Variants in CHD5 observed in about 807,000 individuals in gnomAD.
CHD5 encodes ATP-dependent chromatin remodeler CHD5.
CHD5 carries 69 observed loss-of-function variants against 230.3 expected under a neutral mutation model. That is an observed-to-expected ratio of 0.30 (90% CI 0.25 to 0.37). CHD5 has a LOEUF of 0.37. CHD5 is among the 10% of genes least tolerant of loss of function. The pLI is 1.00. For missense variants in CHD5, 1,827 were observed against 2,622.8 expected (o/e 0.70, Z 6.63); for synonymous variants, 1,064 against 1,065.9 (o/e 1.00, Z 0.03).
At position 6,126,319 on chromosome 1, in the gene CHD5, C is replaced by T. The variant is rs1666557820; in HGVS notation, c.4078+253G>A. On this transcript the variant is annotated intron_variant, in intron 26 of 41. Transcript: ENST00000262450. This position sits in a 1 kb window ranked among gnomAD's most constrained non-coding sequence, Gnocchi z 5.7. ...CCACCCTCCACCTCTGGGTATGGGACACCCATCCCTCCTGGCACACTCGCC... is the reference window on the plus strand; with the variant it reads ...CCACCCTCCACCTCTGGGTATGGGATACCCATCCCTCCTGGCACACTCGCC... Among the ~76,000 whole-genome samples, 1 of 151,788 alleles carries T rather than the reference C, an allele frequency of 6.6e-6. No individual in the cohort carries two copies. Among genetic ancestry groups the T allele is most frequent in the Non-Finnish European group, 1.5e-5 (1 of 67,874 alleles).
In CHD5 at chr1:6,154,787, C is replaced by G; in HGVS notation, c.618G>C (p.Ala206=). Residue 206 remains alanine, a synonymous_variant, in exon 5 of 42, where the codon GCG becomes GCC. Coordinates refer to ENST00000262450, the MANE Select transcript of CHD5 (RefSeq NM_015557.3). The surrounding 1 kb of genome is among the most constrained non-coding windows in gnomAD (Gnocchi z 7.0). ...CAGCCACCGCCGCCGCCGCTGCTGC[C>G]GCGGAGCTGCCCTTGAAGGGGTTGT... ...SANNPFKGSS[A]AAAAAAVAAA... The G allele has an allele frequency of 6.2e-7, 1 of 1,613,512 alleles. No individual in the cohort carries two copies. The highest frequency in any genetic ancestry group is 8.5e-7 in the Non-Finnish European group (1 of 1,179,908).
chr1:6,178,376 CA>C (rs1226891994), intron 1 of CHD5, among the ~76,000 whole-genome samples: 1 of 152,042 alleles, frequency 6.6e-6, no homozygotes, highest in East Asian at 1.9e-4. Flanking sequence ...GGGACTCCAC[CA>C]GCGGGTCGGT....
rs1034039950 is a variant in CHD5, at chr1:6,125,692, G to A, written c.4171+74C>T. The A allele has an allele frequency of 1.3e-5, 21 of 1,593,220 alleles. No individual in the cohort carries two copies. Among genetic ancestry groups the A allele is most frequent in the Non-Finnish European group, 1.7e-5 (20 of 1,161,334 alleles). On this transcript the variant is annotated intron_variant, in intron 27 of 41. Coordinates refer to ENST00000262450, the MANE Select transcript of CHD5 (RefSeq NM_015557.3). The surrounding 1 kb of genome is among the most constrained non-coding windows in gnomAD (Gnocchi z 6.7). ...CCAAGGACAGCGGGACCCCAGACCAGCCCCGCTCCTGCTGCCATCAGCTCC... is the reference window on the plus strand; with the variant it reads ...CCAAGGACAGCGGGACCCCAGACCAACCCCGCTCCTGCTGCCATCAGCTCC...
chr1:6,107,563 G>A (rs1381949487), intron 38 of CHD5, among the ~76,000 whole-genome samples: 2 of 146,166 alleles, frequency 1.4e-5, no homozygotes, highest in African/African-American at 5.0e-5. Context: ...AAGGGATGAT[G>A]GAGAGATAAA....
At position 6,134,289 on chromosome 1, in the gene CHD5, G is replaced by C; in HGVS notation, c.3013-30C>G. 6.2e-7 allele frequency: 1 copy of C among 1,607,634 alleles called. No homozygotes were observed. The highest frequency in any genetic ancestry group is 8.5e-7 in the Non-Finnish European group (1 of 1,179,506). The stretch of plus-strand genomic sequence containing the variant: ...AGACACAGCAGGAGGTGGGGCATTG[G>C]TGGGCTCCCCTCTCCTCTCTGACTC... On this transcript the variant is annotated intron_variant, in intron 19 of 41. Transcript: ENST00000262450. The surrounding 1 kb of genome is among the most constrained non-coding windows in gnomAD (Gnocchi z 6.3).
rs374904530 is a variant in CHD5, at chr1:6,148,840, G to A, written c.1383+14C>T. On this transcript the variant is annotated intron_variant, in intron 9 of 41. Transcript: ENST00000262450. The stretch of plus-strand genomic sequence containing the variant: ...GGGGCGGGGCGTCCGGCGCGGGGCG[G>A]GCGGAACACTCACAGTACAGCGCGG... 70 of 1,479,280 alleles carry A rather than the reference G, an allele frequency of 4.7e-5. 1 individual carries two copies. The African/African-American group carries it at 9.5e-4, about 20-fold the overall frequency. 91.6% of individuals were successfully genotyped at this position (1,479,280 alleles called of 1,614,324 possible).
rs1394233462 is a variant in CHD5, at chr1:6,128,670, C to A, written c.3620-61G>T. ...CACAGAGGGCTGCAGGGTTGGCGGG[C>A]AGTGCCCAGAGACACCACCCTGGGC... On this transcript the variant is annotated intron_variant, in intron 23 of 41. Transcript: ENST00000262450. This position sits in a 1 kb window ranked among gnomAD's most constrained non-coding sequence, Gnocchi z 7.8. 4.0e-5 allele frequency: 58 copies of A among 1,443,562 alleles called. No individual in the cohort carries two copies. The highest frequency in any genetic ancestry group is 3.9e-6 in the Non-Finnish European group (4 of 1,032,196). The allele number at this position is 1,443,562 out of a possible 1,614,324, so 89.4% of individuals were successfully genotyped here.
chr1:6,126,872 T>A lies in CHD5; in HGVS notation c.3904-126A>T. On this transcript the variant is annotated intron_variant, in intron 25 of 41. Coordinates refer to ENST00000262450, the MANE Select transcript of CHD5 (RefSeq NM_015557.3). This position sits in a 1 kb window ranked among gnomAD's most constrained non-coding sequence, Gnocchi z 5.7. ...TCAAGGATTAATGGGATGGCCTGCC[T>A]ACTCCAGGAAGCCTTCTCTGATCAC... 1.2e-6 allele frequency: 1 copy of A among 810,736 alleles called. No individual in the cohort carries two copies. The highest frequency in any genetic ancestry group is 1.9e-6 in the Non-Finnish European group (1 of 514,432). The allele number at this position is 810,736 out of a possible 1,614,324, so 50.2% of individuals were successfully genotyped here. A position where few individuals can be genotyped will look rare whatever the true frequency, so the allele number is the denominator to read the frequency against.
intron 33 of CHD5, chr1:6,113,448 G>A: frequency 3.4e-6 from 1 of 291,330 alleles, no homozygotes; most frequent in South Asian, 3.0e-5. Flanking sequence ...CACAGAAGAT[G>A]AGTTCCCAAG....
intron 35 of CHD5, 45 bp from the exon 36 acceptor site, chr1:6,111,928 C>G (rs1261356499): frequency 6.4e-7 from 1 of 1,568,738 alleles, no homozygotes; most frequent in Non-Finnish European, 8.8e-7. Flanking sequence ...TGCCCCAGCT[C>G]TCACGCACAG....
In CHD5 at chr1:6,130,853, C is replaced by G. The variant is rs532020602; in HGVS notation, c.3263-525G>C. 6.6e-6 allele frequency among the ~76,000 whole-genome samples: 1 copy of G among 152,222 alleles called. No individual in the cohort carries two copies. The stretch of plus-strand genomic sequence containing the variant: ...GACCTGGGACTGACCACAGCCCCCA[C>G]TGGAGCTGCAAACAGGCCCCTGGCA... On this transcript the variant is annotated intron_variant, in intron 21 of 41. Transcript: ENST00000262450. The surrounding 1 kb of genome is among the most constrained non-coding windows in gnomAD (Gnocchi z 4.9).
intron 15 of CHD5, 91 bp from the exon 16 acceptor site, chr1:6,136,956 C>T (rs1000483715): frequency 6.6e-5 from 92 of 1,383,528 alleles, no homozygotes; most frequent in Non-Finnish European, 8.6e-5. Context: ...GAGGTGTGCA[C>T]AGGAACCCAC....
rs549468697 is a variant in CHD5, at chr1:6,176,968, C to CT, written c.79+2976dup. On this transcript the variant is annotated intron_variant, in intron 1 of 41. Transcript: ENST00000262450. ...GCCCTGCCTTCCTCCTAGAAGCTGGCTCAGACACCTGCCTCAATGCCAGAG... is the reference window on the plus strand; with the variant it reads ...GCCCTGCCTTCCTCCTAGAAGCTGGCTTCAGACACCTGCCTCAATGCCAGAG... 3.0e-3 allele frequency among the ~76,000 whole-genome samples: 451 copies of CT among 152,338 alleles called. 3 individuals are homozygous for CT. Among genetic ancestry groups the CT allele is most frequent in the African/African-American group, 0.011 (440 of 41,568 alleles).
intron 15 of CHD5, among the ~76,000 whole-genome samples, chr1:6,137,102 CT>C (rs1444906982): frequency 6.6e-6 from 1 of 151,974 alleles, no homozygotes; most frequent in Non-Finnish European, 1.5e-5. Flanking sequence ...AAGAAACGGC[CT>C]CGGCTTGTAA....
chr1:6,138,961 C>A lies in CHD5; in HGVS notation c.2437-2096G>T, dbSNP rs541885407. Among the ~76,000 whole-genome samples, 7 of 152,334 alleles carry A rather than the reference C, an allele frequency of 4.6e-5. No individual in the cohort carries two copies. The East Asian group carries it at 1.4e-3, about 29-fold the overall frequency. On this transcript the variant is annotated intron_variant, in intron 15 of 41. Coordinates refer to ENST00000262450, the MANE Select transcript of CHD5 (RefSeq NM_015557.3). ...AAGGAAATTCTGACCCGTGCCACAA[C>A]ATGCATGAACCTCAAGGACATTCTG... is the stretch of plus-strand genomic sequence containing the variant.
intron 33 of CHD5, among the ~76,000 whole-genome samples, chr1:6,113,785 G>A (rs1391655704): frequency 1.3e-5 from 2 of 152,182 alleles, no homozygotes; most frequent in East Asian, 1.9e-4. Flanking sequence ...CACACCCAAC[G>A]CCTTGTCCTC....
At chr1:6,117,615 A>G (rs1287781621) in intron 33 of CHD5, among the ~76,000 whole-genome samples, 1 of 152,268 alleles carries the variant, frequency 6.6e-6, no homozygotes, top group African/African-American at 2.4e-5. Context: ...CCAATTTTAA[A>G]GTAGACAAAG....
At chr1:6,147,175 G>A (rs1666925236) in intron 9 of CHD5, among the ~76,000 whole-genome samples, 1 of 152,216 alleles carries the variant, frequency 6.6e-6, no homozygotes, top group Non-Finnish European at 1.5e-5. Context: ...GGACAGAGGG[G>A]GAAACTGAGG....
Position 6,128,056 on chromosome 1 carries a change from T to C in CHD5, c.3893A>G (p.Glu1298Gly). 1 of 1,608,676 alleles carries C rather than the reference T, an allele frequency of 6.2e-7. No individual in the cohort carries two copies. Among genetic ancestry groups the C allele is most frequent in the Non-Finnish European group, 8.5e-7 (1 of 1,177,800 alleles). Residue 1298 changes from glutamate to glycine, a missense_variant, in exon 25 of 42, where the codon GAG becomes GGG. Glu to Gly is a moderately conservative substitution (Grantham distance 98). Around this residue, in one of 14 missense-constraint regions of CHD5, gnomAD observed 137 missense variants for 272.7 expected, o/e 0.50. Coordinates refer to ENST00000262450, the MANE Select transcript of CHD5 (RefSeq NM_015557.3). This position sits in a 1 kb window ranked among gnomAD's most constrained non-coding sequence, Gnocchi z 7.8. ...GGCCGGGGACCTTACCACGCCGTCCTCCTCGCGCACCACGTACTGCGCCAC... is the reference window on the plus strand; with the variant it reads ...GGCCGGGGACCTTACCACGCCGTCCCCCTCGCGCACCACGTACTGCGCCAC... ...FKVAQYVVRE[E>G]DGVEEVEREI...
Sources: gnomAD v4.1 joint callset for allele counts (sites outside exome capture counted in the v4.1 genomes callset) on GRCh38, gnomAD v4.1.1 for gene constraint, gnomAD v4.1.1 regional missense constraint, Gnocchi (gnomAD v3.1) non-coding constraint, MANE v1.5 for transcripts, NCBI Gene and HGNC (gene_info 2026-07-23, HGNC 2026-07-21) for gene names.